CUTC: variants seen among roughly 807,000 people sequenced by gnomAD.
CUTC encodes the protein copper homeostasis protein cutC homolog.
In CUTC, 27 loss-of-function variants were observed where a neutral mutation model predicts 36.2. That is an observed-to-expected ratio of 0.75 (90% confidence interval 0.55 to 1.03). The LOEUF (loss-of-function observed/expected upper bound fraction) is 1.03, where lower values mean the gene tolerates loss of function less well. Among genes scored for constraint, CUTC ranks in the 50% least tolerant of loss-of-function variants. The pLI, the probability that CUTC is intolerant of heterozygous loss-of-function variation, is 0.00. For missense variants in CUTC, 315 were observed against 343.5 expected (o/e 0.92, Z 0.66); for synonymous variants, 114 against 118.3 (o/e 0.96, Z 0.24).
rs751586131 is a variant in CUTC, at chr10:99,732,387, G to A, written c.39G>A (p.Ala13=). ...GGGCCTCCTCTGAGCGAAAACGAGC[G>A]CGGATACCGTCCGGGAAGGCCGGTG... The part of the protein sequence containing the change: ...RQGASSERKR[A]RIPSGKAGAA... The change falls in exon 1 of 9, where the codon GCG becomes GCA. Residue 13 remains alanine (A), a synonymous_variant. Transcript: ENST00000370476. 72 of 1,552,820 alleles carry A rather than the reference G, an allele frequency of 4.6e-5. No individual in the cohort carries two copies. Among genetic ancestry groups the A allele is most frequent in the African/African-American group, 9.6e-5 (7 of 73,166 alleles).
intron 2 of CUTC, among the ~76,000 whole-genome samples, chr10:99,738,279 C>T (rs1446735399): frequency 6.6e-6 from 1 of 151,854 alleles, no homozygotes; most frequent in East Asian, 1.9e-4. Context: ...AAGATAAGGT[C>T]CCTTTTAAAG....
chr10:99,743,043 C>T (rs2037352048), intron 3 of CUTC, 110 bp from the exon 4 acceptor site: 1 of 963,938 alleles, frequency 1.0e-6, no homozygotes, highest in Non-Finnish European at 1.6e-6. Flanking sequence ...CATTTTTCTT[C>T]TCAGTGTCTG....
In CUTC at chr10:99,754,584, A is replaced by C; in HGVS notation, c.657A>C (p.Thr219=). The C allele has an allele frequency of 1.2e-6, 2 of 1,613,994 alleles. No homozygotes were observed. The highest frequency in any genetic ancestry group is 1.7e-6 in the Non-Finnish European group (2 of 1,179,892). ...LQRILEGSGA[T]EFHCSARSTR... is the part of the protein sequence containing the mutation. ...GGATCCTTGAGGGTTCAGGTGCTAC[A>C]GAATTCCACTGTTCTGCTCGGTCTA... The change falls in exon 8 of 9, where the codon ACA becomes ACC. Residue 219 remains threonine (T), a synonymous_variant. Transcript: ENST00000370476.
chr10:99,747,299 T>C lies in CUTC; in HGVS notation c.482T>C (p.Leu161Pro), dbSNP rs772844154. Residue 161 changes from leucine (L) to proline (P), a missense_variant, in exon 6 of 9, where the codon CTC becomes CCC. Coordinates refer to ENST00000370476, the MANE Select transcript of CUTC (RefSeq NM_015960.3). ...VHDPMAALET[L>P]LTLGFERVLT... ...GATCCAATGGCAGCTCTGGAGACCC[T>C]CTTAACCTTGGGATTTGAACGCGTG... 1 of 1,614,190 alleles carries C rather than the reference T, an allele frequency of 6.2e-7. No individual in the cohort carries two copies. The highest frequency in any genetic ancestry group is 1.7e-5 in the Admixed American group (1 of 60,028).
Position 99,732,316 on chromosome 10 carries a change from A to C in CUTC, c.-33A>C. ...GCCGGAGCCCAAATTCCAAGTGGAAACTGCAGGCGCACGAGGGAGGAACGC... is the reference window on the plus strand; with the variant it reads ...GCCGGAGCCCAAATTCCAAGTGGAACCTGCAGGCGCACGAGGGAGGAACGC... On this transcript the variant is annotated 5_prime_UTR_variant, in exon 1 of 9. Transcript: ENST00000370476. The C allele has an allele frequency of 6.4e-7, 1 of 1,550,502 alleles. No individual in the cohort carries two copies. The highest frequency in any genetic ancestry group is 8.7e-7 in the Non-Finnish European group (1 of 1,146,706).
chr10:99,747,621 C>T (rs2037388432), intron 6 of CUTC, among the ~76,000 whole-genome samples: 1 of 152,246 alleles, frequency 6.6e-6, no homozygotes, highest in Non-Finnish European at 1.5e-5. Flanking sequence ...TCTGATCTAA[C>T]TTGGATAAGC....
At chr10:99,739,589 T>C in intron 2 of CUTC, 121 bp from the exon 3 acceptor site, 1 of 857,306 alleles carries the variant, frequency 1.2e-6, no homozygotes, top group Non-Finnish European at 1.8e-6. Flanking sequence ...CTTTATAATT[T>C]GATTTCTCTG....
At chr10:99,747,165 G>C (rs2037383846) in intron 5 of CUTC, 92 bp from the exon 6 acceptor site, 1 of 1,398,198 alleles carries the variant, frequency 7.2e-7, no homozygotes, top group Non-Finnish European at 9.8e-7. Context: ...GTACAAGCTA[G>C]GTCCAGCATG....
chr10:99,744,570 C>G (rs1035619419), intron 5 of CUTC, among the ~76,000 whole-genome samples: 1 of 151,984 alleles, frequency 6.6e-6, no homozygotes, highest in African/African-American at 2.4e-5. Flanking sequence ...AGAATTGGGT[C>G]TTATTAGGAA....
At chr10:99,743,902 T>C in intron 4 of CUTC, 135 bp from the exon 5 acceptor site, 2 of 599,942 alleles carry the variant, frequency 3.3e-6, no homozygotes, top group South Asian at 5.0e-5. Context: ...AGGCTGCCAT[T>C]TTATTATTAT....
Position 99,738,389 on chromosome 10 carries a change from GGTGTGTGTGT to G in CUTC, c.134-1292_134-1283del, listed in dbSNP as rs10693937. On this transcript the variant is annotated intron_variant, in intron 2 of 8. Coordinates refer to ENST00000370476, the MANE Select transcript of CUTC (RefSeq NM_015960.3). ...AGATTTCTCCAGTTGACTCATACAGGGTGTGTGTGTGTGTGTGTGTGTGTGTGTGTGTGTG... is the reference window on the plus strand; with the variant it reads ...AGATTTCTCCAGTTGACTCATACAGGGTGTGTGTGTGTGTGTGTGTGTGTG... 1.1e-3 allele frequency among the ~76,000 whole-genome samples: 155 copies of G among 142,960 alleles called. 5 individuals are homozygous for G. Among genetic ancestry groups the G allele is most frequent in the African/African-American group, 3.4e-3 (131 of 38,618 alleles). 93.8% of individuals were successfully genotyped at this position (142,960 alleles called of 152,430 possible). A position where few individuals can be genotyped will look rare whatever the true frequency, so the allele number is the denominator to read the frequency against.
At chr10:99,743,506 T>C (rs1447952382) in intron 4 of CUTC, 144 bp downstream of exon 4, 19 of 734,116 alleles carry the variant, frequency 2.6e-5, no homozygotes, top group Non-Finnish European at 4.0e-5. Context: ...ATAGTAGTTA[T>C]TTAGATGTTT....
At chr10:99,748,373 C>G (rs1156758835) in intron 6 of CUTC, among the ~76,000 whole-genome samples, 1 of 152,118 alleles carries the variant, frequency 6.6e-6, no homozygotes, top group East Asian at 1.9e-4. Context: ...TGCTTATTTT[C>G]ACTTTTCTAT....
intron 1 of CUTC, among the ~76,000 whole-genome samples, chr10:99,733,868 T>A (rs1366023699): frequency 6.6e-6 from 1 of 151,994 alleles, no homozygotes; most frequent in Non-Finnish European, 1.5e-5. Context: ...TTTTTATACA[T>A]CTCTCCATCT....
intron 5 of CUTC, 35 bp from the exon 6 acceptor site, chr10:99,747,222 C>T (rs1309349922): frequency 1.9e-6 from 3 of 1,610,056 alleles, no homozygotes; most frequent in Non-Finnish European, 2.5e-6. Flanking sequence ...TTAGAGATAC[C>T]TGTTCAAAAT....
At chr10:99,741,523 CCTTT>C (rs1211589641) in intron 3 of CUTC, among the ~76,000 whole-genome samples, 1 of 152,042 alleles carries the variant, frequency 6.6e-6, no homozygotes, top group Non-Finnish European at 1.5e-5. Context: ...TCCTTCCTTT[CCTTT>C]CTTTTCTTTC....
At chr10:99,740,851 T>C (rs963566750) in intron 3 of CUTC, among the ~76,000 whole-genome samples, 2 of 152,236 alleles carry the variant, frequency 1.3e-5, no homozygotes, top group African/African-American at 4.8e-5. Context: ...CCTTTTCTTC[T>C]GCACTATCTA....
At chr10:99,742,818 TAGAA>T (rs946818600) in intron 3 of CUTC, among the ~76,000 whole-genome samples, 1 of 152,138 alleles carries the variant, frequency 6.6e-6, no homozygotes, top group Non-Finnish European at 1.5e-5. Context: ...TGTAATGAAT[TAGAA>T]AGAAGAAATT....
chr10:99,750,823 C>T (rs1009894644), intron 7 of CUTC, among the ~76,000 whole-genome samples: 9 of 152,140 alleles, frequency 5.9e-5, no homozygotes, highest in Non-Finnish European at 1.3e-4. Context: ...AAATATAATA[C>T]TGTCTCAGTT....
Sources: allele counts gnomAD v4.1 joint callset (sites outside exome capture counted in the v4.1 genomes callset), GRCh38; gene constraint gnomAD v4.1.1; transcripts MANE v1.5; gene names NCBI Gene and HGNC (gene_info 2026-07-23, HGNC 2026-07-21).